The following GLIS3 variants were observed in gnomAD, a reference collection of about 807,000 sequenced individuals.
GLIS3 encodes zinc finger protein GLIS3.
A neutral mutation model predicts 78.6 loss-of-function variants in GLIS3; 53 were observed. The observed-to-expected ratio is 0.67, with a 90% CI of 0.54 to 0.85. GLIS3 has a LOEUF of 0.85. Among genes scored for constraint, GLIS3 ranks in the 40% least tolerant of loss-of-function variants. The probability of loss-of-function intolerance (pLI) is 0.00; values close to 1 mark genes in which losing one functional copy is unlikely to be tolerated. For missense variants in GLIS3, 1,703 were observed against 1,231.1 expected (o/e 1.38, Z -5.74); for synonymous variants, 684 against 509.9 (o/e 1.34, Z -4.60).
chr9:4,385,510 C>T, the GLIS3 span, among the ~76,000 whole-genome samples: 2 of 151,722 alleles, frequency 1.3e-5, no homozygotes, highest in South Asian at 2.1e-4. Context: ...CTAAAAAATA[C>T]AAAACTTAGC....
chr9:4,089,686 G>T (rs1293066756), intron 4 of GLIS3, among the ~76,000 whole-genome samples: 1 of 152,066 alleles, frequency 6.6e-6, no homozygotes, highest in Non-Finnish European at 1.5e-5. Context: ...AGGCATGGTG[G>T]TGTATACATG....
intron 4 of GLIS3, among the ~76,000 whole-genome samples, chr9:3,958,617 T>C (rs1316992066): frequency 1.3e-5 from 2 of 152,220 alleles, no homozygotes; most frequent in African/African-American, 2.4e-5. Flanking sequence ...GGCTGGACGC[T>C]GTGTAGGATC....
intron 2 of GLIS3, among the ~76,000 whole-genome samples, chr9:4,147,833 TATAAC>T (rs1834351262): frequency 6.7e-6 from 1 of 149,760 alleles, no homozygotes; most frequent in Non-Finnish European, 1.5e-5. Context: ...AAAAAAAAAT[TATAAC>T]ATTCTAATGG....
intron 4 of GLIS3, among the ~76,000 whole-genome samples, chr9:4,001,354 AC>A (rs1441650914): frequency 6.6e-6 from 1 of 152,210 alleles, no homozygotes; most frequent in Admixed American, 6.5e-5. Context: ...ACTAAAGTTT[AC>A]CTAAGGAAAA....
intron 4 of GLIS3, among the ~76,000 whole-genome samples, chr9:4,037,166 T>G (rs756609038): frequency 8.8e-4 from 134 of 152,358 alleles, no homozygotes; most frequent in Non-Finnish European, 1.7e-3. Flanking sequence ...CATGTGAACT[T>G]GCTTTATAAA....
At chr9:4,322,042 C>G (rs1010546077) in intron 2 of GLIS3, among the ~76,000 whole-genome samples, 1 of 152,078 alleles carries the variant, frequency 6.6e-6, no homozygotes, top group Non-Finnish European at 1.5e-5. Context: ...CCCGAGCCCA[C>G]GACAGGCCCT....
At chr9:3,912,388 C>A (rs1824213757) in intron 6 of GLIS3, among the ~76,000 whole-genome samples, 1 of 152,110 alleles carries the variant, frequency 6.6e-6, no homozygotes, top group African/African-American at 2.4e-5. Flanking sequence ...CCAGTGTTCA[C>A]CCTCTTGGAA....
chr9:3,905,565 T>C (rs1020772359), intron 6 of GLIS3, among the ~76,000 whole-genome samples: 26 of 152,126 alleles, frequency 1.7e-4, no homozygotes, highest in African/African-American at 5.3e-4. Flanking sequence ...ATGCCTGCAA[T>C]TGACAAAAAT....
chr9:4,466,131 T>C, the GLIS3 span, among the ~76,000 whole-genome samples: 1 of 152,140 alleles, frequency 6.6e-6, no homozygotes, highest in African/African-American at 2.4e-5. Context: ...AAGGCATCAG[T>C]GCAGATCTAA....
At chr9:3,995,738 T>C (rs1251673880) in intron 4 of GLIS3, among the ~76,000 whole-genome samples, 2 of 152,154 alleles carry the variant, frequency 1.3e-5, no homozygotes, top group East Asian at 3.9e-4. Context: ...AAAATGGTTG[T>C]GTATAAATTA....
intron 2 of GLIS3, among the ~76,000 whole-genome samples, chr9:4,249,544 T>C (rs1048514638): frequency 2.0e-5 from 3 of 152,216 alleles, no homozygotes; most frequent in Non-Finnish European, 2.9e-5. Context: ...TTCCTAAATA[T>C]ACAATCATGT....
chr9:4,075,411 C>CAAAAAAAAAAAAA (rs59194808), intron 4 of GLIS3, among the ~76,000 whole-genome samples: 3 of 118,166 alleles, frequency 2.5e-5, no homozygotes, highest in African/African-American at 6.4e-5. Flanking sequence ...ACTAAAAATA[C>CAAAAAAAAAAAAA]AAAAAAAAAA....
the GLIS3 span, among the ~76,000 whole-genome samples, chr9:4,382,530 GTT>G: frequency 2.5e-3 from 378 of 152,152 alleles, 2 homozygotes; most frequent in Non-Finnish European, 3.9e-3. Flanking sequence ...AATTCCTATG[GTT>G]CTTTTGTTCT....
chr9:4,322,743 C>G (rs910968384), intron 2 of GLIS3, among the ~76,000 whole-genome samples: 1 of 152,130 alleles, frequency 6.6e-6, no homozygotes, highest in Non-Finnish European at 1.5e-5. Context: ...ACTTTGCCCA[C>G]TTTTTGATGG....
intron 9 of GLIS3, among the ~76,000 whole-genome samples, chr9:3,848,692 C>T (rs185557310): frequency 1.3e-4 from 20 of 152,298 alleles, no homozygotes; most frequent in African/African-American, 4.6e-4. Flanking sequence ...ACCTCGCTGC[C>T]ATTTAAATAT....
chr9:4,273,514 G>C (rs901446221), intron 2 of GLIS3, among the ~76,000 whole-genome samples: 1 of 151,958 alleles, frequency 6.6e-6, no homozygotes, highest in African/African-American at 2.4e-5. Context: ...CATCACTTGA[G>C]CCCAGGAGTT....
chr9:4,444,833 T>C, the GLIS3 span, among the ~76,000 whole-genome samples: 1 of 152,336 alleles, frequency 6.6e-6, no homozygotes, highest in South Asian at 2.1e-4. Context: ...TTCAAAGATT[T>C]CATGCTTGGA....
chr9:4,148,080 T>C (rs929507516), intron 2 of GLIS3, among the ~76,000 whole-genome samples: 2 of 152,188 alleles, frequency 1.3e-5, no homozygotes, highest in African/African-American at 4.8e-5. Context: ...TTTTTTCTTT[T>C]GCATAGGAAA....
At chr9:4,470,146 C>T in the GLIS3 span, among the ~76,000 whole-genome samples, 24 of 152,188 alleles carry the variant, frequency 1.6e-4, no homozygotes, top group South Asian at 6.2e-4. Flanking sequence ...CAGGACCAGA[C>T]GGATTCACAG....
Sources: gnomAD v4.1 joint callset for allele counts (sites outside exome capture counted in the v4.1 genomes callset) on GRCh38, gnomAD v4.1.1 for gene constraint, MANE v1.5 for transcripts, NCBI Gene and HGNC (gene_info 2026-07-23, HGNC 2026-07-21) for gene names.